C19orf44: variants seen among roughly 807,000 people sequenced by gnomAD.
C19orf44 encodes chromosome 19 open reading frame 44, also known as uncharacterized protein C19orf44.
A neutral mutation model predicts 50.7 loss-of-function variants in C19orf44; 43 were observed. That is an observed-to-expected ratio of 0.85 (90% confidence interval 0.66 to 1.09). The LOEUF is 1.09. Ranked by LOEUF, C19orf44 falls within the 50% of genes least tolerant of loss-of-function variation. The pLI, the probability that C19orf44 is intolerant of heterozygous loss-of-function variation, is 0.00. For missense variants in C19orf44, 722 were observed against 836.2 expected (o/e 0.86, Z 1.68); for synonymous variants, 298 against 334.7 (o/e 0.89, Z 1.20).
chr19:16,498,615 G>A (rs1046469925), intron 1 of C19orf44, among the ~76,000 whole-genome samples: 4 of 151,392 alleles, frequency 2.6e-5, no homozygotes, highest in East Asian at 2.0e-4. Context: ...CACTTGTTAC[G>A]TGTATTTTTG....
chr19:16,501,890 C>CTATT (rs1309596805), intron 2 of C19orf44, among the ~76,000 whole-genome samples: 1 of 148,664 alleles, frequency 6.7e-6, no homozygotes, highest in African/African-American at 2.5e-5. Flanking sequence ...CATGCCCGGC[C>CTATT]GGTGACTGGC....
intron 1 of C19orf44, 61 bp from the exon 2 acceptor site, chr19:16,500,731 A>G (rs1298556461): frequency 1.4e-6 from 2 of 1,472,490 alleles, no homozygotes; most frequent in Non-Finnish European, 1.8e-6. Flanking sequence ...AGTAGGAGCC[A>G]TTGAATGCTC....
In C19orf44 at chr19:16,506,782, C is replaced by A. The variant is rs774616383; in HGVS notation, c.1149+8C>A. The A allele has an allele frequency of 2.5e-6, 4 of 1,573,584 alleles. No individual in the cohort carries two copies. The highest frequency in any genetic ancestry group is 3.5e-6 in the Non-Finnish European group (4 of 1,157,234). ...TCCGATTTGGAACAGGAAGTAAGTA[C>A]AACAAAGTCATTTTTCATGGTCGAT... On this transcript the variant is annotated splice_region_variant and intron_variant, in intron 4 of 8. Transcript: ENST00000221671.
chr19:16,507,340 C>T (rs886860643), intron 4 of C19orf44, among the ~76,000 whole-genome samples: 14 of 152,134 alleles, frequency 9.2e-5, no homozygotes, highest in Non-Finnish European at 1.6e-4. Context: ...CTTCACCAGC[C>T]GTATCCAGTC....
intron 8 of C19orf44, chr19:16,518,996 G>T: frequency 1.4e-6 from 1 of 690,966 alleles, no homozygotes; most frequent in East Asian, 2.8e-5. Flanking sequence ...GGAGCACGGC[G>T]TTCCCACTGG....
At chr19:16,508,355 G>A (rs1356927284) in intron 4 of C19orf44, among the ~76,000 whole-genome samples, 2 of 151,916 alleles carry the variant, frequency 1.3e-5, no homozygotes, top group Non-Finnish European at 2.9e-5. Context: ...CACCCACCTT[G>A]GCCTCTCAAA....
chr19:16,508,899 T>C (rs1339598719), intron 4 of C19orf44, among the ~76,000 whole-genome samples: 1 of 151,650 alleles, frequency 6.6e-6, no homozygotes, highest in Non-Finnish European at 1.5e-5. Flanking sequence ...CAGCTCACCA[T>C]AACCTCTGCC....
chr19:16,507,673 G>T (rs1303484037), intron 4 of C19orf44, among the ~76,000 whole-genome samples: 1 of 151,348 alleles, frequency 6.6e-6, no homozygotes, highest in Non-Finnish European at 1.5e-5. Context: ...GTATATTTTA[G>T]TAGAGACGGG....
intron 7 of C19orf44, among the ~76,000 whole-genome samples, chr19:16,516,523 G>A (rs1464174016): frequency 2.0e-5 from 3 of 152,178 alleles, no homozygotes; most frequent in Non-Finnish European, 4.4e-5. Context: ...GTTTTGTTCC[G>A]ATTTGGTAAT....
chr19:16,518,077 A>C (rs2122232434), intron 8 of C19orf44: 1 of 152,274 alleles, frequency 6.6e-6, no homozygotes, highest in South Asian at 2.1e-4. Context: ...ATCTTATTGA[A>C]AAGAATTTTT....
Position 16,520,473 on chromosome 19 carries a change from G to T in C19orf44, c.*420G>T. On this transcript the variant is annotated 3_prime_UTR_variant, in exon 9 of 9. Transcript: ENST00000221671. This position sits in a 1 kb window ranked among gnomAD's most constrained non-coding sequence, Gnocchi z 4.0. ...TTGGAGCGGGAGGAAGAACGCCCTCGACTCTTGGATCTGCTCCGAGACCTC... is the reference window on the plus strand; with the variant it reads ...TTGGAGCGGGAGGAAGAACGCCCTCTACTCTTGGATCTGCTCCGAGACCTC... The T allele has an allele frequency of 6.2e-7, 1 of 1,614,032 alleles. No homozygotes were observed. Among genetic ancestry groups the T allele is most frequent in the Non-Finnish European group, 8.5e-7 (1 of 1,180,012 alleles).
chr19:16,496,616 A>G (rs532557288), intron 1 of C19orf44, 151 bp downstream of exon 1: 1 of 222,498 alleles, frequency 4.5e-6, no homozygotes, highest in South Asian at 5.5e-5. Flanking sequence ...CTATTGGAGC[A>G]TGGTCCTGCG....
At chr19:16,509,338 A>G (rs1295367338) in intron 4 of C19orf44, among the ~76,000 whole-genome samples, 161 bp from the exon 5 acceptor site, 1 of 152,176 alleles carries the variant, frequency 6.6e-6, no homozygotes, top group Non-Finnish European at 1.5e-5. Context: ...AAGACGCCAC[A>G]GTTCTGTTTA....
intron 6 of C19orf44, among the ~76,000 whole-genome samples, 194 bp from the exon 7 acceptor site, chr19:16,514,302 TA>T (rs1471155007): frequency 6.6e-6 from 1 of 151,338 alleles, no homozygotes; most frequent in Non-Finnish European, 1.5e-5. Flanking sequence ...CACTGTTGCT[TA>T]AACCCAGGAG....
Position 16,520,385 on chromosome 19 carries a change from G to A in C19orf44, c.*332G>A. 1 of 1,613,978 alleles carries A rather than the reference G, an allele frequency of 6.2e-7. No homozygotes were observed. Among genetic ancestry groups the A allele is most frequent in the Non-Finnish European group, 8.5e-7 (1 of 1,179,972 alleles). On this transcript the variant is annotated 3_prime_UTR_variant, in exon 9 of 9. Coordinates refer to ENST00000221671, the MANE Select transcript of C19orf44 (RefSeq NM_032207.4). The surrounding 1 kb of genome is among the most constrained non-coding windows in gnomAD (Gnocchi z 4.0). ...CTACCTAGATCTGGAGCGGGAGTAG[G>A]AACGGGAGCAGGAGCGCGACCTTGA... is the stretch of plus-strand genomic sequence containing the variant.
At chr19:16,500,687 G>T in intron 1 of C19orf44, 105 bp from the exon 2 acceptor site, 2 of 1,139,632 alleles carry the variant, frequency 1.8e-6, no homozygotes, top group Middle Eastern at 3.0e-4. Flanking sequence ...GAAGACTGTG[G>T]CTGGGTTGCA....
intron 1 of C19orf44, among the ~76,000 whole-genome samples, chr19:16,498,031 C>CGGGA (rs2093414924): frequency 6.6e-6 from 1 of 151,950 alleles, no homozygotes; most frequent in African/African-American, 2.4e-5. Flanking sequence ...CGCGTGACCC[C>CGGGA]GGGAGGTCGA....
intron 7 of C19orf44, among the ~76,000 whole-genome samples, chr19:16,516,670 G>A (rs571186605): frequency 6.6e-6 from 1 of 152,364 alleles, no homozygotes; most frequent in South Asian, 2.1e-4. Flanking sequence ...AGCAGGCGGG[G>A]TGGGCCTGGA....
chr19:16,502,074 C>T (rs2122178640), intron 2 of C19orf44, among the ~76,000 whole-genome samples: 1 of 151,572 alleles, frequency 6.6e-6, no homozygotes, highest in East Asian at 1.9e-4. Context: ...CCATGCCCGG[C>T]TGATTTTGTA....
Sources: allele counts gnomAD v4.1 joint callset (sites outside exome capture counted in the v4.1 genomes callset), GRCh38; gene constraint gnomAD v4.1.1; non-coding constraint Gnocchi (gnomAD v3.1); transcripts MANE v1.5; gene names NCBI Gene and HGNC (gene_info 2026-07-23, HGNC 2026-07-21).